The following TSPAN14 variants were observed in gnomAD, a reference collection of about 807,000 sequenced individuals.
TSPAN14 encodes tetraspanin-14.
A neutral mutation model predicts 36.6 loss-of-function variants in TSPAN14; 16 were observed. That is an observed-to-expected ratio of 0.44 (90% confidence interval 0.30 to 0.66). The LOEUF (loss-of-function observed/expected upper bound fraction) is 0.66. TSPAN14 is among the 30% of genes least tolerant of loss of function. The pLI, the probability that TSPAN14 is intolerant of heterozygous loss-of-function variation, is 0.12. For synonymous variants in TSPAN14, 139 were observed against 143.8 expected (o/e 0.97, Z 0.24); for missense variants, 231 against 355.1 (o/e 0.65, Z 2.81).
At chr10:80,476,409 G>GTTTTTTTTT (rs60589813) in intron 1 of TSPAN14, among the ~76,000 whole-genome samples, 2 of 85,046 alleles carry the variant, frequency 2.4e-5, no homozygotes, top group Non-Finnish European at 2.2e-5. Flanking sequence ...TTGTTTTACT[G>GTTTTTTTTT]TTTTTTTTTT....
chr10:80,520,929 G>A (rs2132079530), exon 9 of TSPAN14: 1 of 459,492 alleles, frequency 2.2e-6, no homozygotes, highest in South Asian at 1.7e-5. Flanking sequence ...GGACTCTGCT[G>A]CAGCTGTCCT....
chr10:80,471,883 A>G (rs913983130), intron 1 of TSPAN14, among the ~76,000 whole-genome samples: 6 of 151,806 alleles, frequency 4.0e-5, no homozygotes, highest in Non-Finnish European at 7.4e-5. Context: ...CATTCTGAAA[A>G]TCTCTCATGG....
chr10:80,508,871 A>C (rs1378199618), intron 4 of TSPAN14, among the ~76,000 whole-genome samples: 4 of 152,144 alleles, frequency 2.6e-5, no homozygotes, highest in Non-Finnish European at 5.9e-5. Context: ...TGTCTTGGGC[A>C]CAGTGTCTGT....
chr10:80,517,982 A>G (rs2132072103), exon 9 of TSPAN14: 2 of 1,556,794 alleles, frequency 1.3e-6, no homozygotes, highest in East Asian at 2.4e-5. Context: ...TCTGAGGAGC[A>G]GAGTTGAGGG....
At position 80,483,869 on chromosome 10, in the gene TSPAN14, C is replaced by T. The variant is rs1425771726; in HGVS notation, c.-17-5348C>T. Among the ~76,000 whole-genome samples the T allele has an allele frequency of 2.6e-5, 3 of 116,548 alleles. No individual in the cohort carries two copies. In the East Asian group the frequency reaches 9.0e-4, roughly 35 times the overall value. 76.5% of individuals were successfully genotyped at this position (116,548 alleles called of 152,430 possible). A position where few individuals can be genotyped will look rare whatever the true frequency, so the allele number is the denominator to read the frequency against. On this transcript the variant is annotated intron_variant, in intron 1 of 8. Transcript: ENST00000429989. ...AGGTTGCAGTGAGCCAAGATTGCAC[C>T]ATTGCACTCCAGCCTGGGCAACAAG...
At position 80,511,159 on chromosome 10, in the gene TSPAN14, A is replaced by G. The variant is rs1313377901; in HGVS notation, c.451-985A>G. Among the ~76,000 whole-genome samples, 4 of 152,228 alleles carry G rather than the reference A, an allele frequency of 2.6e-5. No individual in the cohort carries two copies. In the East Asian group the frequency reaches 5.8e-4, roughly 22 times the overall value. On this transcript the variant is annotated intron_variant, in intron 5 of 8. Coordinates refer to ENST00000429989, the Ensembl canonical transcript of TSPAN14. ...GGGAAAAGACACTGTCAACTTCACA[A>G]TGATGCTTTCAGTGTTTGGATTTTA...
rs929991658 is a variant in TSPAN14, at chr10:80,478,617, G to A, written c.-17-10600G>A. 2.0e-5 allele frequency among the ~76,000 whole-genome samples: 3 copies of A among 152,204 alleles called. No homozygotes were observed. In the East Asian group the frequency reaches 5.8e-4, roughly 29 times the overall value. On this transcript the variant is annotated intron_variant, in intron 1 of 8. Transcript: ENST00000429989. ...CAGAGAAAGAAACAGGTCAAATACA[G>A]AGATCAGAAATCTGAGTGGTTTCGG...
intron 7 of TSPAN14, 95 bp from the exon 8 acceptor site, chr10:80,516,109 C>G (rs1840923417): frequency 6.3e-7 from 1 of 1,582,876 alleles, no homozygotes. Flanking sequence ...CGTTCCCACC[C>G]TGCTTTGCCC....
chr10:80,487,522 C>T (rs1012757862), intron 1 of TSPAN14, among the ~76,000 whole-genome samples: 4 of 152,118 alleles, frequency 2.6e-5, no homozygotes, highest in African/African-American at 9.7e-5. Flanking sequence ...CCTGAGAGAG[C>T]AGGGACTTGC....
rs532424506 is a variant in TSPAN14, at chr10:80,470,548, T to G, written c.-18+16177T>G. 1.8e-4 allele frequency among the ~76,000 whole-genome samples: 27 copies of G among 152,368 alleles called. No homozygotes were observed. In the Middle Eastern group the frequency reaches 0.014, roughly 77 times the overall value. On this transcript the variant is annotated intron_variant, in intron 1 of 8. Transcript: ENST00000429989. ...CTTTCAGGCGTGGAAACATAGAGAA[T>G]GAGGAGTAAATATAATTCTAAACTC... is the stretch of plus-strand genomic sequence containing the variant.
At chr10:80,496,157 G>A (rs978459206) in intron 2 of TSPAN14, among the ~76,000 whole-genome samples, 5 of 152,156 alleles carry the variant, frequency 3.3e-5, no homozygotes, top group African/African-American at 1.2e-4. Flanking sequence ...TTGGCGTTAA[G>A]TACATTCACA....
At chr10:80,522,442 C>CA (rs975806035) in exon 9 of TSPAN14, 20 of 152,092 alleles carry the variant, frequency 1.3e-4, no homozygotes, top group African/African-American at 4.8e-4. Context: ...ACCCGGGAGA[C>CA]AGAGGTTGCA....
rs146111419 is a variant in TSPAN14 at position 80,493,706 on chromosome 10, T to G, written c.81+4392T>G. On this transcript the variant is annotated intron_variant, in intron 2 of 8. Coordinates refer to ENST00000429989, the Ensembl canonical transcript of TSPAN14. The stretch of plus-strand genomic sequence containing the variant: ...GAGGTGCCCACAGTAGTCAGAATCA[T>G]AGAGACAGGAAGTAGAATGTTGGTT... Among the ~76,000 whole-genome samples, 17 of 152,252 alleles carry G rather than the reference T, an allele frequency of 1.1e-4. No individual in the cohort carries two copies. The East Asian group carries it at 2.1e-3, about 19-fold the overall frequency.
chr10:80,496,165 A>G (rs1848187772), intron 2 of TSPAN14, among the ~76,000 whole-genome samples: 1 of 152,220 alleles, frequency 6.6e-6, no homozygotes, highest in Non-Finnish European at 1.5e-5. Flanking sequence ...AAGTACATTC[A>G]CATTCACCTT....
At chr10:80,460,629 C>T (rs1845921572) in intron 1 of TSPAN14, among the ~76,000 whole-genome samples, 1 of 152,170 alleles carries the variant, frequency 6.6e-6, no homozygotes, top group Non-Finnish European at 1.5e-5. Flanking sequence ...GGTGTCCCTT[C>T]TTGTAAGTGT....
At chr10:80,483,997 A>C (rs1022542638) in intron 1 of TSPAN14, among the ~76,000 whole-genome samples, 1 of 142,882 alleles carries the variant, frequency 7.0e-6, no homozygotes, top group Non-Finnish European at 1.5e-5. Context: ...TAATCTCAGC[A>C]CTTTGGAAGG....
intron 1 of TSPAN14, among the ~76,000 whole-genome samples, chr10:80,475,284 G>T (rs1393249675): frequency 6.6e-6 from 1 of 152,150 alleles, no homozygotes; most frequent in Non-Finnish European, 1.5e-5. Context: ...TAAAAGTTTT[G>T]GGCTGAGCAT....
chr10:80,512,295 G>T, intron 6 of TSPAN14, 26 bp downstream of exon 6: 1 of 1,612,296 alleles, frequency 6.2e-7, no homozygotes, highest in South Asian at 1.1e-5. Context: ...CTGGGGCACA[G>T]GGAGCCCGCC....
At chr10:80,497,807 C>A (rs1048830991) in intron 2 of TSPAN14, among the ~76,000 whole-genome samples, 1 of 152,232 alleles carries the variant, frequency 6.6e-6, no homozygotes, top group Admixed American at 6.5e-5. Flanking sequence ...CACAGTCCTT[C>A]CCCACATTGG....
Sources: allele counts gnomAD v4.1 joint callset (sites outside exome capture counted in the v4.1 genomes callset), GRCh38; gene constraint gnomAD v4.1.1; transcripts MANE v1.5; gene names NCBI Gene and HGNC (gene_info 2026-07-23, HGNC 2026-07-21).